ADAM12: variants seen among roughly 807,000 people sequenced by gnomAD.
The protein encoded by ADAM12 is disintegrin and metalloproteinase domain-containing protein 12.
A neutral mutation model predicts 106.4 loss-of-function variants in ADAM12; 70 were observed. The observed-to-expected ratio is 0.66, with a 90% CI of 0.54 to 0.80. The LOEUF (loss-of-function observed/expected upper bound fraction) is 0.80, where lower values mean the gene tolerates loss of function less well. Ranked by LOEUF, ADAM12 falls within the 30% of genes least tolerant of loss-of-function variation. ADAM12 has a pLI of 0.00. For missense variants in ADAM12, 1,010 were observed against 1,171.9 expected, an observed-to-expected ratio of 0.86 and a Z score of 2.02; for synonymous variants, 420 against 433.5, an observed-to-expected ratio of 0.97 and a Z score of 0.39.
At chr10:126,151,872 A>G (rs968186553) in intron 4 of ADAM12, among the ~76,000 whole-genome samples, 1 of 151,938 alleles carries the variant, frequency 6.6e-6, no homozygotes, top group African/African-American at 2.4e-5. Flanking sequence ...TCTGAATAAA[A>G]ATATTTATAT....
chr10:126,085,009 T>C (rs1430922497), intron 11 of ADAM12, among the ~76,000 whole-genome samples: 1 of 152,244 alleles, frequency 6.6e-6, no homozygotes, highest in African/African-American at 2.4e-5. Flanking sequence ...AGAATGGTTC[T>C]ACAAAGTCTT....
chr10:126,157,021 GTGTGTGT>G (rs1227841923), intron 3 of ADAM12, among the ~76,000 whole-genome samples: 79 of 151,908 alleles, frequency 5.2e-4, no homozygotes, highest in African/African-American at 1.7e-3. Context: ...TTGGTTTTGT[GTGTGTGT>G]GTGTGGGGGG....
chr10:126,030,956 C>T (rs1284983701), intron 21 of ADAM12, among the ~76,000 whole-genome samples: 1 of 152,198 alleles, frequency 6.6e-6, no homozygotes, highest in Non-Finnish European at 1.5e-5. Context: ...ATTTCCTACA[C>T]ATCTATTATG....
intron 21 of ADAM12, among the ~76,000 whole-genome samples, chr10:126,023,597 C>A (rs1256321873): frequency 1.3e-5 from 2 of 152,158 alleles, no homozygotes; most frequent in Non-Finnish European, 2.9e-5. Flanking sequence ...GCTCTACAGA[C>A]AAGACCTCAG....
At chr10:126,316,425 C>A (rs546738499) in intron 2 of ADAM12, among the ~76,000 whole-genome samples, 1 of 152,140 alleles carries the variant, frequency 6.6e-6, no homozygotes, top group East Asian at 1.9e-4. Context: ...GTATCCTAGG[C>A]AGGGCCTCCG....
At chr10:126,128,785 T>C (rs1956252105) in intron 5 of ADAM12, among the ~76,000 whole-genome samples, 1 of 138,704 alleles carries the variant, frequency 7.2e-6, no homozygotes, top group South Asian at 2.4e-4. Context: ...GAGTGTGTGG[T>C]GCGCGTGTCG....
chr10:126,206,110 C>T (rs1957790105), intron 3 of ADAM12, among the ~76,000 whole-genome samples: 1 of 152,254 alleles, frequency 6.6e-6, no homozygotes, highest in African/African-American at 2.4e-5. Flanking sequence ...CTGGGTCTAA[C>T]CTGAACTCAA....
chr10:126,039,317 C>CTTAT lies in ADAM12; in HGVS notation c.2213_2216dup (p.Lys740Ter). ...ACCTTAGTTTTTCAATGGTGGTCTT[C>CTTAT]TTATTTGTAAACAGCAGTCGTATCA... On this transcript the variant is annotated stop_gained and frameshift_variant, in exon 19 of 23. Coordinates refer to ENST00000448723, the MANE Select transcript of ADAM12 (RefSeq NM_001288973.2). LOFTEE classifies it high-confidence loss of function. The CTTAT allele has an allele frequency of 6.2e-7, 1 of 1,614,036 alleles. No individual in the cohort carries two copies. The highest frequency in any genetic ancestry group is 8.5e-7 in the Non-Finnish European group (1 of 1,179,952).
chr10:126,280,990 G>A (rs1590726958), intron 2 of ADAM12, among the ~76,000 whole-genome samples: 1 of 152,150 alleles, frequency 6.6e-6, no homozygotes, highest in Non-Finnish European at 1.5e-5. Flanking sequence ...AGTGTAGTGT[G>A]TCAAAGTGTT....
At chr10:126,159,178 T>C (rs903038076) in intron 3 of ADAM12, among the ~76,000 whole-genome samples, 9 of 151,628 alleles carry the variant, frequency 5.9e-5, no homozygotes, top group African/African-American at 9.7e-5. Flanking sequence ...GGCACGGTGG[T>C]GGGTGCCTGT....
At chr10:126,215,035 G>T (rs552270279) in intron 3 of ADAM12, among the ~76,000 whole-genome samples, 5 of 152,150 alleles carry the variant, frequency 3.3e-5, no homozygotes, top group Non-Finnish European at 7.4e-5. Flanking sequence ...CCTGGTCCAA[G>T]CCCCTGGGGC....
intron 2 of ADAM12, among the ~76,000 whole-genome samples, chr10:126,290,960 T>C (rs964383869): frequency 1.3e-5 from 2 of 152,240 alleles, no homozygotes; most frequent in Non-Finnish European, 2.9e-5. Context: ...TACTTTCTAA[T>C]GTATGCTTAC....
At chr10:126,228,161 T>C (rs1958237431) in intron 3 of ADAM12, among the ~76,000 whole-genome samples, 1 of 152,056 alleles carries the variant, frequency 6.6e-6, no homozygotes, top group Non-Finnish European at 1.5e-5. Flanking sequence ...GGAATGAAAA[T>C]CAAGTCCCAT....
At chr10:126,090,312 CAAAAA>C (rs58704417) in intron 11 of ADAM12, among the ~76,000 whole-genome samples, 3 of 123,312 alleles carry the variant, frequency 2.4e-5, no homozygotes, top group South Asian at 2.6e-4. Context: ...AAACTTTCTG[CAAAAA>C]AAAAAAAAAA....
intron 5 of ADAM12, among the ~76,000 whole-genome samples, chr10:126,121,811 T>G (rs1464511318): frequency 6.6e-6 from 1 of 152,112 alleles, no homozygotes; most frequent in East Asian, 1.9e-4. Context: ...TTTAATAGAT[T>G]GACAGTATCT....
At chr10:126,294,643 G>A (rs1467119265) in intron 2 of ADAM12, among the ~76,000 whole-genome samples, 1 of 152,074 alleles carries the variant, frequency 6.6e-6, no homozygotes, top group Non-Finnish European at 1.5e-5. Flanking sequence ...TTGAAAAAAA[G>A]GAAAACAGAG....
intron 1 of ADAM12, among the ~76,000 whole-genome samples, chr10:126,345,188 G>A (rs1855089451): frequency 6.6e-6 from 1 of 152,128 alleles, no homozygotes; most frequent in Non-Finnish European, 1.5e-5. Flanking sequence ...ATTATTTTGA[G>A]ATACATCCCA....
At chr10:126,255,917 T>C (rs1012119123) in intron 3 of ADAM12, among the ~76,000 whole-genome samples, 4 of 152,152 alleles carry the variant, frequency 2.6e-5, no homozygotes, top group Non-Finnish European at 4.4e-5. Flanking sequence ...TCCAAGGGCC[T>C]TCGGCATCAG....
intron 3 of ADAM12, among the ~76,000 whole-genome samples, chr10:126,169,815 A>G (rs1957087556): frequency 6.6e-6 from 1 of 152,214 alleles, no homozygotes; most frequent in South Asian, 2.1e-4. Context: ...CATTGAACCA[A>G]ATACCTTTGA....
Sources: allele counts gnomAD v4.1 joint callset (sites outside exome capture counted in the v4.1 genomes callset), GRCh38; gene constraint gnomAD v4.1.1; transcripts MANE v1.5; gene names NCBI Gene and HGNC (gene_info 2026-07-23, HGNC 2026-07-21).